The following AGBL1 variants were observed in gnomAD, a reference collection of about 807,000 sequenced individuals.
AGBL1 encodes the protein AGBL carboxypeptidase 1, also known as cytosolic carboxypeptidase 4.
In AGBL1, 130 loss-of-function variants were observed where a neutral mutation model predicts 118.9. The ratio of observed to expected loss-of-function variants is 1.09; its 90% CI spans 0.95 to 1.26. The LOEUF (loss-of-function observed/expected upper bound fraction) is 1.26. Among genes scored for constraint, AGBL1 ranks in the 50% most tolerant of loss-of-function variants. The pLI, the probability that AGBL1 is intolerant of heterozygous loss-of-function variation, is 0.00. For missense variants in AGBL1, 1,584 were observed against 1,298.1 expected (o/e 1.22, Z -3.38); for synonymous variants, 555 against 478.9 (o/e 1.16, Z -2.08).
chr15:86,320,060 T>C (rs918212549), intron 17 of AGBL1, among the ~76,000 whole-genome samples: 2 of 152,106 alleles, frequency 1.3e-5, no homozygotes, highest in Non-Finnish European at 2.9e-5. Flanking sequence ...CCCGGCCTCT[T>C]TGGTAGTATT....
chr15:86,264,332 C>T lies in AGBL1; in HGVS notation c.1161C>T (p.Ala387=), dbSNP rs371374511. Residue 387 remains alanine (A), a synonymous_variant, in exon 11 of 23, where the codon GCC becomes GCT. Coordinates refer to ENST00000614907, the MANE Select transcript of AGBL1 (RefSeq NM_001386094.1). The part of the protein sequence containing the change: ...TQYANHHHIP[A]AASSKQHCYS... ...ATGCCAATCACCACCACATTCCAGC[C>T]GCTGCCTCCTCAAAACAGCATTGCT... 9.6e-5 allele frequency: 154 copies of T among 1,612,342 alleles called. No individual in the cohort carries two copies. The highest frequency in any genetic ancestry group is 1.7e-4 in the Middle Eastern group (1 of 6,060).
intron 18 of AGBL1, among the ~76,000 whole-genome samples, chr15:86,481,134 A>C (rs922877378): frequency 8.9e-4 from 34 of 38,352 alleles, no homozygotes; most frequent in Non-Finnish European, 1.8e-3. Flanking sequence ...ATGAGAGCAA[A>C]AAAAAAAAAA....
chr15:86,358,213 C>G (rs530494669), intron 17 of AGBL1, among the ~76,000 whole-genome samples: 15 of 152,102 alleles, frequency 9.9e-5, no homozygotes, highest in African/African-American at 3.4e-4. Context: ...CCCTGAAAAC[C>G]ACCATGTTAC....
Position 86,567,168 on chromosome 15 carries a change from C to T in AGBL1, c.2994+12631C>T, listed in dbSNP as rs116858489. 3.4e-3 allele frequency among the ~76,000 whole-genome samples: 522 copies of T among 152,254 alleles called. 1 individual carries two copies. The highest frequency in any genetic ancestry group is 4.9e-3 in the Admixed American group (75 of 15,300). On this transcript the variant is annotated intron_variant, in intron 21 of 22. Transcript: ENST00000614907. ...CTTAACCATAATCATTTTATTCCAACCTTCCTAATTAGAAACTTTGGGGTC... is the reference window on the plus strand; with the variant it reads ...CTTAACCATAATCATTTTATTCCAATCTTCCTAATTAGAAACTTTGGGGTC...
chr15:86,896,252 T>A (rs773111636), intron 22 of AGBL1, among the ~76,000 whole-genome samples: 12 of 152,164 alleles, frequency 7.9e-5, no homozygotes, highest in Non-Finnish European at 1.8e-4. Context: ...TTCGTGAGTG[T>A]CTGCTTTTGC....
chr15:86,937,563 C>T lies in AGBL1; in HGVS notation c.3222-50424C>T, dbSNP rs1157938626. On this transcript the variant is annotated intron_variant, in intron 23 of 24. Coordinates refer to the AGBL1 transcript ENST00000441037. ...AAAATAGGAACAGAAAACCAAATAT[C>T]ACATGTTCTCACTTATAAGTGGGAG... is the stretch of plus-strand genomic sequence containing the variant. Among the ~76,000 whole-genome samples, 2 of 152,178 alleles carry T rather than the reference C, an allele frequency of 1.3e-5. 1 individual carries two copies. Among genetic ancestry groups the T allele is most frequent in the Middle Eastern group, 6.3e-3 (2 of 316 alleles).
intron 6 of AGBL1, among the ~76,000 whole-genome samples, chr15:86,240,985 A>T (rs988849687): frequency 2.0e-5 from 3 of 152,112 alleles, no homozygotes; most frequent in African/African-American, 7.2e-5. Context: ...GAGTAATGAG[A>T]CTCAATACGT....
At chr15:86,275,221 A>G (rs1414928827) in intron 15 of AGBL1, among the ~76,000 whole-genome samples, 1 of 152,210 alleles carries the variant, frequency 6.6e-6, no homozygotes, top group African/African-American at 2.4e-5. Flanking sequence ...CATGTAATAC[A>G]CAACGGCTGA....
chr15:86,762,682 C>G (rs1012455665), intron 22 of AGBL1, among the ~76,000 whole-genome samples: 2 of 151,964 alleles, frequency 1.3e-5, no homozygotes, highest in Non-Finnish European at 2.9e-5. Flanking sequence ...AGCCCTGGTG[C>G]TAGTGCTGAT....
At chr15:86,506,776 A>T (rs984254846) in intron 18 of AGBL1, among the ~76,000 whole-genome samples, 8 of 152,194 alleles carry the variant, frequency 5.3e-5, no homozygotes, top group Admixed American at 2.6e-4. Flanking sequence ...TGAGTCTTGT[A>T]CTAAGGATTG....
At chr15:86,356,455 C>G (rs2080722071) in intron 17 of AGBL1, among the ~76,000 whole-genome samples, 1 of 151,954 alleles carries the variant, frequency 6.6e-6, no homozygotes, top group African/African-American at 2.4e-5. Flanking sequence ...CAACTAATGT[C>G]CAGACCTTGA....
chr15:86,364,993 A>G, intron 17 of AGBL1, among the ~76,000 whole-genome samples: 1 of 77,958 alleles, frequency 1.3e-5, no homozygotes, highest in East Asian at 2.3e-4. Context: ...ATATATACAC[A>G]CACACATATA....
intron 22 of AGBL1, among the ~76,000 whole-genome samples, chr15:86,833,179 A>G (rs2079129389): frequency 6.6e-6 from 1 of 152,118 alleles, no homozygotes. Context: ...ATTCAAGATG[A>G]GATTTGGGTG....
At chr15:86,142,098 T>A (rs1246914004) in intron 2 of AGBL1, 31 bp downstream of exon 2, 1 of 1,547,378 alleles carries the variant, frequency 6.5e-7, no homozygotes, top group Non-Finnish European at 8.7e-7. Context: ...TGCTTTCATA[T>A]GGCGGATGTG....
At chr15:86,200,123 C>A (rs1399016370) in intron 5 of AGBL1, among the ~76,000 whole-genome samples, 3 of 152,072 alleles carry the variant, frequency 2.0e-5, no homozygotes, top group African/African-American at 7.2e-5. Context: ...GTTTGAAGGT[C>A]CAGAGCTGTA....
intron 21 of AGBL1, among the ~76,000 whole-genome samples, chr15:86,608,867 T>A (rs1286727486): frequency 8.5e-5 from 13 of 152,110 alleles, no homozygotes; most frequent in Non-Finnish European, 1.9e-4. Context: ...ATGAAACATA[T>A]CTATAAATGA....
In AGBL1 at chr15:86,299,136, T is replaced by G. The variant is rs1463800669; in HGVS notation, c.2374+3728T>G. 5.3e-5 allele frequency among the ~76,000 whole-genome samples: 8 copies of G among 152,298 alleles called. No individual in the cohort carries two copies. The South Asian group carries it at 6.2e-4, about 12-fold the overall frequency. On this transcript the variant is annotated intron_variant, in intron 17 of 22. Transcript: ENST00000614907. ...ATTTGGAGAACTGAGGACAGTCCCTTTTTGAAATGCTCCCAATAAAGAAGA... is the reference window on the plus strand; with the variant it reads ...ATTTGGAGAACTGAGGACAGTCCCTGTTTGAAATGCTCCCAATAAAGAAGA...
At chr15:86,280,204 T>C (rs1296898380) in intron 16 of AGBL1, among the ~76,000 whole-genome samples, 8 of 152,178 alleles carry the variant, frequency 5.3e-5, no homozygotes, top group Non-Finnish European at 1.5e-5. Context: ...GGAAGGTAGA[T>C]CTTGGGAAAC....
intron 17 of AGBL1, among the ~76,000 whole-genome samples, chr15:86,313,849 T>G (rs916838695): frequency 6.6e-6 from 1 of 152,240 alleles, no homozygotes; most frequent in African/African-American, 2.4e-5. Flanking sequence ...AGTTCAGAGC[T>G]GGTCAGAAGA....
Sources: allele counts gnomAD v4.1 joint callset (sites outside exome capture counted in the v4.1 genomes callset), GRCh38; gene constraint gnomAD v4.1.1; transcripts MANE v1.5; gene names NCBI Gene and HGNC (gene_info 2026-07-23, HGNC 2026-07-21).